RBFOX1: variants seen among roughly 807,000 people sequenced by gnomAD.
RBFOX1 encodes RNA binding fox-1 homolog 1, also known as RNA binding protein fox-1 homolog 1.
A neutral mutation model predicts 57.7 loss-of-function variants in RBFOX1; 8 were observed. The observed-to-expected ratio is 0.14, with a 90% CI of 0.08 to 0.25. The LOEUF (loss-of-function observed/expected upper bound fraction) is 0.25. Among genes scored for constraint, RBFOX1 ranks in the 10% least tolerant of loss-of-function variants. RBFOX1 has a pLI of 1.00. For synonymous variants in RBFOX1, 326 were observed against 222.4 expected (o/e 1.47, Z -4.15); for missense variants, 611 against 548.5 (o/e 1.11, Z -1.14).
intron 3 of RBFOX1, among the ~76,000 whole-genome samples, chr16:6,784,362 T>G (rs2081550636): frequency 2.0e-5 from 3 of 152,160 alleles, no homozygotes; most frequent in Admixed American, 2.0e-4. Context: ...TTGAGCTCAC[T>G]GATTCTTTCT....
chr16:6,604,994 T>C (rs575370332), intron 2 of RBFOX1, among the ~76,000 whole-genome samples: 2 of 151,988 alleles, frequency 1.3e-5, no homozygotes, highest in East Asian at 3.9e-4. Context: ...AATAAAATTA[T>C]ATATAAATAT....
intron 2 of RBFOX1, among the ~76,000 whole-genome samples, chr16:6,457,899 G>C (rs988143544): frequency 4.6e-5 from 7 of 152,122 alleles, no homozygotes; most frequent in Admixed American, 4.6e-4. Context: ...GATAGTTCTG[G>C]GGCAAAGTGA....
At chr16:7,676,711 C>A in intron 13 of RBFOX1, 63 bp from the exon 14 acceptor site, 1 of 1,402,742 alleles carries the variant, frequency 7.1e-7, no homozygotes, top group Non-Finnish European at 1.0e-6. Context: ...GTGGTCTTGC[C>A]ACTGGGCATC....
At chr16:7,196,121 C>T (rs188622545) in intron 4 of RBFOX1, among the ~76,000 whole-genome samples, 391 of 152,186 alleles carry the variant, frequency 2.6e-3, no homozygotes, top group Non-Finnish European at 4.0e-3. Context: ...CATCCTACTC[C>T]TCCTCATTTT....
chr16:6,984,187 C>T (rs1040111831), intron 3 of RBFOX1, among the ~76,000 whole-genome samples: 4 of 152,204 alleles, frequency 2.6e-5, no homozygotes, highest in South Asian at 4.1e-4. Flanking sequence ...GCAGAGGTTG[C>T]GGTGAGCCGA....
chr16:6,700,783 T>C (rs1159787199), intron 3 of RBFOX1, among the ~76,000 whole-genome samples: 1 of 152,230 alleles, frequency 6.6e-6, no homozygotes, highest in South Asian at 2.1e-4. Context: ...ATGTTATCTA[T>C]GGCATATCCC....
intron 1 of RBFOX1, among the ~76,000 whole-genome samples, chr16:6,096,836 C>T (rs530311915): frequency 6.6e-6 from 1 of 152,292 alleles, no homozygotes; most frequent in South Asian, 2.1e-4. Context: ...ATTCATTGGC[C>T]AGGTCATCAG....
At chr16:7,263,741 C>G (rs1208360410) in intron 4 of RBFOX1, among the ~76,000 whole-genome samples, 1 of 151,706 alleles carries the variant, frequency 6.6e-6, no homozygotes, top group Non-Finnish European at 1.5e-5. Context: ...ACTAAAAATA[C>G]AAAAATTAGC....
rs151073500 is a variant in RBFOX1, at chr16:7,259,867, A to G, written c.27+207769A>G. 5.9e-4 allele frequency among the ~76,000 whole-genome samples: 90 copies of G among 152,290 alleles called. 2 individuals are homozygous for G. In the East Asian group the frequency reaches 0.011, roughly 19 times the overall value. ...AAGAATCTAGTATACCTGGTGTATT[A>G]GGTGCTTAATATATTGTAGGCCCTT... is the stretch of plus-strand genomic sequence containing the variant. On this transcript the variant is annotated intron_variant, in intron 4 of 15. Coordinates refer to ENST00000550418, the MANE Select transcript of RBFOX1 (RefSeq NM_018723.4).
chr16:7,230,050 GGAAAGGAGAGAGAGGA>G (rs2093407785), intron 4 of RBFOX1, among the ~76,000 whole-genome samples: 2 of 72,800 alleles, frequency 2.7e-5, no homozygotes, highest in African/African-American at 3.8e-5. Flanking sequence ...GAGAGAGGAA[GGAAAGGAGAGAGAGGA>G]AGGAAGGGAG....
At chr16:7,574,603 T>C (rs12596392) in intron 5 of RBFOX1, among the ~76,000 whole-genome samples, 19,022 of 152,066 alleles carry the variant, frequency 0.13, 1,542 homozygotes, top group Admixed American at 0.22. Flanking sequence ...GCCAGTCTAG[T>C]CTTTGCATGT....
At chr16:6,683,732 C>T (rs1483745793) in intron 3 of RBFOX1, among the ~76,000 whole-genome samples, 2 of 152,116 alleles carry the variant, frequency 1.3e-5, no homozygotes, top group Non-Finnish European at 2.9e-5. Context: ...GATGGTGAGA[C>T]GCAGTTCAGG....
intron 5 of RBFOX1, among the ~76,000 whole-genome samples, chr16:7,532,433 AT>A (rs1313464101): frequency 6.6e-6 from 1 of 152,170 alleles, no homozygotes; most frequent in African/African-American, 2.4e-5. Context: ...GGATTTGGGA[AT>A]TTTTCCTCTT....
chr16:6,062,862 G>C (rs956446083), intron 1 of RBFOX1, among the ~76,000 whole-genome samples: 4 of 152,070 alleles, frequency 2.6e-5, no homozygotes, highest in Non-Finnish European at 5.9e-5. Flanking sequence ...GATGAGAGTT[G>C]ATGTTGTAGT....
In RBFOX1 at chr16:5,983,926, C is replaced by G. The variant is rs2060226363; in HGVS notation, c.351+116591C>G. ...CCTCCTCCTCCTCTTCCTCCTCCTC[C>G]CCCTCCTCCTCCTCCTCTTCCTCCT... On this transcript the variant is annotated intron_variant, in intron 4 of 19. Transcript: ENST00000641259. 5.5e-5 allele frequency among the ~76,000 whole-genome samples: 8 copies of G among 144,332 alleles called. No homozygotes were observed. The South Asian group carries it at 1.9e-3, about 34-fold the overall frequency. 94.7% of individuals were successfully genotyped at this position (144,332 alleles called of 152,430 possible).
intron 4 of RBFOX1, among the ~76,000 whole-genome samples, chr16:7,204,510 G>A (rs984873579): frequency 1.3e-5 from 2 of 152,112 alleles, no homozygotes; most frequent in African/African-American, 4.8e-5. Context: ...GCCAGGCATG[G>A]TGATATGCAC....
At chr16:6,129,155 C>G (rs868319215) in intron 1 of RBFOX1, among the ~76,000 whole-genome samples, 1 of 152,056 alleles carries the variant, frequency 6.6e-6, no homozygotes, top group Non-Finnish European at 1.5e-5. Flanking sequence ...ATCATGTGAC[C>G]TATAGCAAGA....
chr16:6,919,073 G>C lies in RBFOX1; in HGVS notation c.-15-132984G>C, dbSNP rs182595342. Among the ~76,000 whole-genome samples, 480 of 152,230 alleles carry C rather than the reference G, an allele frequency of 3.2e-3. 4 individuals are homozygous for C. Among genetic ancestry groups the C allele is most frequent in the Admixed American group, 0.021 (326 of 15,290 alleles). ...TCAGCTCACTGCAACCTCCGTTCTT[G>C]GGTTTAAGCCATTCTCCTGTCTCAG... On this transcript the variant is annotated intron_variant, in intron 3 of 15. Coordinates refer to ENST00000550418, the MANE Select transcript of RBFOX1 (RefSeq NM_018723.4).
At chr16:5,723,918 G>A (rs775267747) in intron 3 of RBFOX1, among the ~76,000 whole-genome samples, 1 of 152,220 alleles carries the variant, frequency 6.6e-6, no homozygotes, top group African/African-American at 2.4e-5. Context: ...AAGTCAAGAA[G>A]ATGTTTCACA....
Sources: allele counts gnomAD v4.1 joint callset (sites outside exome capture counted in the v4.1 genomes callset), GRCh38; gene constraint gnomAD v4.1.1; transcripts MANE v1.5; gene names NCBI Gene and HGNC (gene_info 2026-07-23, HGNC 2026-07-21).